The following FRMD4B variants were observed in gnomAD, a reference collection of about 807,000 sequenced individuals.
The protein encoded by FRMD4B is FERM domain containing 4B.
A neutral mutation model predicts 141.5 loss-of-function variants in FRMD4B; 74 were observed. That is an observed-to-expected ratio of 0.52 (90% CI 0.43 to 0.63). The LOEUF is 0.63. Among genes scored for constraint, FRMD4B ranks in the 30% least tolerant of loss-of-function variants. The pLI is 0.00. For missense variants in FRMD4B, 1,366 were observed against 1,253.4 expected (o/e 1.09, Z -1.36); for synonymous variants, 506 against 467.9 (o/e 1.08, Z -1.05).
chr3:69,241,871 A>AAAAAC (rs36221855), intron 7 of FRMD4B, among the ~76,000 whole-genome samples: 29 of 151,770 alleles, frequency 1.9e-4, no homozygotes, highest in East Asian at 5.8e-4. Flanking sequence ...TCCATCTCAA[A>AAAAAC]AAAACAAAAC....
chr3:69,482,068 G>A (rs1452700809), intron 1 of FRMD4B, among the ~76,000 whole-genome samples: 1 of 152,172 alleles, frequency 6.6e-6, no homozygotes, highest in Non-Finnish European at 1.5e-5. Context: ...TTCAAAAGCT[G>A]AAATTCTGTT....
intron 1 of FRMD4B, among the ~76,000 whole-genome samples, chr3:69,479,960 T>G (rs972750723): frequency 7.2e-5 from 11 of 152,234 alleles, no homozygotes; most frequent in Non-Finnish European, 1.5e-4. Context: ...ATTCATTTCA[T>G]CTTCCATCAC....
At chr3:69,267,683 AGAGAGAGT>A (rs1359212299) in intron 5 of FRMD4B, among the ~76,000 whole-genome samples, 6 of 58,786 alleles carry the variant, frequency 1.0e-4, no homozygotes, top group South Asian at 6.0e-4. Context: ...AGAGAGAGAG[AGAGAGAGT>A]GTCTGTCTGT....
chr3:69,188,987 C>T (rs1292531203), intron 18 of FRMD4B, among the ~76,000 whole-genome samples: 3 of 151,506 alleles, frequency 2.0e-5, no homozygotes, highest in Non-Finnish European at 4.4e-5. Flanking sequence ...TTTGGGAGGC[C>T]GAGGCAGGCA....
chr3:69,423,413 T>C (rs965685867), intron 2 of FRMD4B, among the ~76,000 whole-genome samples: 5 of 152,156 alleles, frequency 3.3e-5, no homozygotes, highest in African/African-American at 1.2e-4. Context: ...TATAACAAAA[T>C]AAAGCGCTGC....
At chr3:69,177,943 C>A (rs529153596) in intron 21 of FRMD4B, among the ~76,000 whole-genome samples, 1 of 151,908 alleles carries the variant, frequency 6.6e-6, no homozygotes, top group South Asian at 2.1e-4. Context: ...GGGGAAGAGG[C>A]GAGGTGGTAA....
chr3:69,472,938 C>T (rs68155338), intron 1 of FRMD4B, among the ~76,000 whole-genome samples: 15,058 of 107,116 alleles, frequency 0.14, 964 homozygotes, highest in African/African-American at 0.18. Context: ...TTTTTTTTTT[C>T]TTTTTTTTTT....
chr3:69,339,998 C>T (rs774330120), intron 1 of FRMD4B, among the ~76,000 whole-genome samples: 3 of 152,112 alleles, frequency 2.0e-5, no homozygotes, highest in Admixed American at 6.6e-5. Context: ...CCCACTCTTC[C>T]CCTGGTCTTG....
At chr3:69,375,630 A>C (rs1703952599) in intron 1 of FRMD4B, among the ~76,000 whole-genome samples, 1 of 141,786 alleles carries the variant, frequency 7.1e-6, no homozygotes, top group Admixed American at 7.4e-5. Flanking sequence ...ACAAATGAAC[A>C]AATGAAAAAA....
chr3:69,363,381 G>A (rs1268745703), intron 1 of FRMD4B, among the ~76,000 whole-genome samples: 1 of 150,438 alleles, frequency 6.6e-6, no homozygotes, highest in Non-Finnish European at 1.5e-5. Flanking sequence ...CTCTGCACCT[G>A]GCCTCCATGC....
intron 1 of FRMD4B, among the ~76,000 whole-genome samples, chr3:69,453,288 G>T (rs1371707724): frequency 6.6e-6 from 1 of 152,330 alleles, no homozygotes; most frequent in East Asian, 1.9e-4. Flanking sequence ...GGCTGGCTCT[G>T]TGTCAGGGAC....
intron 1 of FRMD4B, among the ~76,000 whole-genome samples, chr3:69,462,467 G>A (rs2106923353): frequency 6.6e-6 from 1 of 152,358 alleles, no homozygotes; most frequent in South Asian, 2.1e-4. Context: ...ACTGTCTGAA[G>A]ACAACTTCTG....
chr3:69,508,000 T>C (rs1351876273), intron 1 of FRMD4B, among the ~76,000 whole-genome samples: 4 of 152,344 alleles, frequency 2.6e-5, no homozygotes, highest in East Asian at 1.9e-4. Flanking sequence ...ATTTCCCACA[T>C]GGATAACCTT....
chr3:69,180,969 C>T lies in FRMD4B; in HGVS notation c.2781G>A (p.Gln927=). 6.2e-7 allele frequency: 1 copy of T among 1,614,010 alleles called. No homozygotes were observed. The change falls in exon 21 of 23, where the codon CAG becomes CAA. Residue 927 remains glutamine (Q), a synonymous_variant. Transcript: ENST00000398540. ...GCAGCCCCGCAAACCCCAGGCATCT[C>T]TGTGATCCCCTGTCTGAGTCAAAGC... ...QTSFDSDRGS[Q]RCLGFAGLQV...
At chr3:69,461,385 C>G (rs989398916) in intron 1 of FRMD4B, among the ~76,000 whole-genome samples, 3 of 64,656 alleles carry the variant, frequency 4.6e-5, no homozygotes, top group African/African-American at 2.6e-4. Flanking sequence ...ATAGTGAGAC[C>G]CCCCCCATCT....
At chr3:69,355,787 G>A (rs886855815) in intron 1 of FRMD4B, among the ~76,000 whole-genome samples, 4 of 152,136 alleles carry the variant, frequency 2.6e-5, no homozygotes, top group African/African-American at 9.7e-5. Flanking sequence ...CACTTTGGGA[G>A]GCTGAGGTTG....
chr3:69,222,883 A>G (rs1335273606), intron 8 of FRMD4B, among the ~76,000 whole-genome samples: 1 of 152,268 alleles, frequency 6.6e-6, no homozygotes, highest in African/African-American at 2.4e-5. Flanking sequence ...TAATGATATC[A>G]AATGTTAGCT....
At chr3:69,433,955 A>G (rs1447807046) in intron 1 of FRMD4B, among the ~76,000 whole-genome samples, 2 of 152,210 alleles carry the variant, frequency 1.3e-5, no homozygotes, top group African/African-American at 4.8e-5. Context: ...TGAGGTACAG[A>G]AAGAGAGAGA....
At chr3:69,443,253 G>A (rs1705366106) in intron 1 of FRMD4B, among the ~76,000 whole-genome samples, 1 of 152,174 alleles carries the variant, frequency 6.6e-6, no homozygotes, top group Non-Finnish European at 1.5e-5. Flanking sequence ...TAAAAACCCT[G>A]AACAATGGGG....
Sources: gnomAD v4.1 joint callset for allele counts (sites outside exome capture counted in the v4.1 genomes callset) on GRCh38, gnomAD v4.1.1 for gene constraint, MANE v1.5 for transcripts, NCBI Gene and HGNC (gene_info 2026-07-23, HGNC 2026-07-21) for gene names.